Variants in TIAM2 observed in about 807,000 individuals in gnomAD.
The protein encoded by TIAM2 is TIAM Rac1 associated GEF 2.
TIAM2 carries 80 observed loss-of-function variants against 152.9 expected under a neutral mutation model. The ratio of observed to expected loss-of-function variants is 0.52; its 90% CI spans 0.44 to 0.63. TIAM2 has a LOEUF of 0.63. TIAM2 is among the 30% of genes least tolerant of loss of function. The probability of loss-of-function intolerance (pLI) is 0.00; values close to 1 mark genes in which losing one functional copy is unlikely to be tolerated. For missense variants in TIAM2, 1,965 were observed against 2,120.1 expected (o/e 0.93, Z 1.44); for synonymous variants, 804 against 838.0 (o/e 0.96, Z 0.70).
At chr6:155,106,303 C>G (rs1201334799) in intron 2 of TIAM2, among the ~76,000 whole-genome samples, 1 of 152,054 alleles carries the variant, frequency 6.6e-6, no homozygotes, top group Non-Finnish European at 1.5e-5. Flanking sequence ...CCATGCCCAG[C>G]CTTTTTGGGG....
chr6:155,080,363 C>T (rs2114965656), intron 1 of TIAM2, among the ~76,000 whole-genome samples: 1 of 151,824 alleles, frequency 6.6e-6, no homozygotes, highest in Admixed American at 6.6e-5. Flanking sequence ...ATTTTGTGGG[C>T]AAGGTATATA....
At chr6:155,242,899 C>CT (rs1476671379) in intron 16 of TIAM2, among the ~76,000 whole-genome samples, 5 of 63,146 alleles carry the variant, frequency 7.9e-5, no homozygotes, top group African/African-American at 2.3e-4. Flanking sequence ...CCACACCCAG[C>CT]TATTTTTTTT....
In TIAM2 at chr6:155,249,983, C is replaced by T. The variant is rs1200397108; in HGVS notation, c.3951+14C>T. 6.3e-7 allele frequency: 1 copy of T among 1,599,416 alleles called. No homozygotes were observed. The highest frequency in any genetic ancestry group is 8.5e-7 in the Non-Finnish European group (1 of 1,169,924). On this transcript the variant is annotated intron_variant, in intron 21 of 26. Coordinates refer to ENST00000682666, the MANE Select transcript of TIAM2 (RefSeq NM_012454.4). ...ACAGAGAAGGAGGTCCGTGAGACAT[C>T]TGCACCCTGGGAGCCTAGTGCATGT...
In TIAM2 at chr6:155,104,035, CA is replaced by C. The variant is rs1562316869; in HGVS notation, c.-118+13657del. Among the ~76,000 whole-genome samples, 165 of 104,610 alleles carry C rather than the reference CA, an allele frequency of 1.6e-3. 4 individuals are homozygous for C. The highest frequency in any genetic ancestry group is 4.6e-3 in the African/African-American group (91 of 19,588). 68.6% of individuals were successfully genotyped at this position (104,610 alleles called of 152,430 possible). A position where few individuals can be genotyped will look rare whatever the true frequency, so the allele number is the denominator to read the frequency against. ...TCTTCTTCTGTATTTACCTCACACA[CA>C]CACACCCCCCCCCCCACACCCCCAC... On this transcript the variant is annotated intron_variant, in intron 2 of 26. Transcript: ENST00000682666.
intron 7 of TIAM2, among the ~76,000 whole-genome samples, chr6:155,164,034 A>G (rs970916674): frequency 1.3e-5 from 2 of 148,686 alleles, no homozygotes; most frequent in Non-Finnish European, 3.0e-5. Context: ...ATCTTGGCTC[A>G]CTGCAACCTC....
intron 15 of TIAM2, among the ~76,000 whole-genome samples, chr6:155,222,668 A>C (rs1055785070): frequency 1.3e-5 from 2 of 150,842 alleles, no homozygotes; most frequent in Non-Finnish European, 2.9e-5. Flanking sequence ...TAAGTCTTAC[A>C]CTGAGGAGCC....
At chr6:155,029,490 G>GTATATATTA (rs1776765365) in intron 1 of TIAM2, among the ~76,000 whole-genome samples, 2 of 31,180 alleles carry the variant, frequency 6.4e-5, no homozygotes, top group Non-Finnish European at 1.1e-4. Context: ...ATATACTATA[G>GTATATATTA]TATATATTAT....
chr6:155,032,069 C>T (rs957877103), intron 1 of TIAM2, among the ~76,000 whole-genome samples: 1 of 151,978 alleles, frequency 6.6e-6, no homozygotes, highest in South Asian at 2.1e-4. Flanking sequence ...GTACTTTATA[C>T]GATGGAAGAT....
chr6:155,110,126 T>G (rs1229814615), intron 2 of TIAM2, among the ~76,000 whole-genome samples: 1 of 151,874 alleles, frequency 6.6e-6, no homozygotes, highest in Non-Finnish European at 1.5e-5. Context: ...TTTTTTTTTG[T>G]ATTTTTAGTA....
chr6:155,157,177 T>C (rs537553525), intron 7 of TIAM2, among the ~76,000 whole-genome samples: 1 of 152,340 alleles, frequency 6.6e-6, no homozygotes, highest in East Asian at 1.9e-4. Flanking sequence ...TGCTGTCCTC[T>C]GTACTGCAGG....
intron 1 of TIAM2, among the ~76,000 whole-genome samples, chr6:155,077,244 G>T (rs919162291): frequency 1.3e-5 from 2 of 151,544 alleles, no homozygotes; most frequent in East Asian, 3.9e-4. Context: ...GCTCAGAAAA[G>T]GATCTATAAT....
chr6:155,144,093 T>C (rs1304732646), intron 5 of TIAM2, among the ~76,000 whole-genome samples: 2 of 152,190 alleles, frequency 1.3e-5, no homozygotes, highest in Non-Finnish European at 2.9e-5. Context: ...CTCTCCCTCG[T>C]TCCTCTCCAG....
At chr6:155,045,412 A>G (rs1198551063) in intron 1 of TIAM2, among the ~76,000 whole-genome samples, 1 of 151,960 alleles carries the variant, frequency 6.6e-6, no homozygotes, top group African/African-American at 2.4e-5. Flanking sequence ...GTCTTACTTT[A>G]TGGGCACATT....
At chr6:155,190,182 T>A (rs1007515979) in intron 14 of TIAM2, among the ~76,000 whole-genome samples, 2 of 152,258 alleles carry the variant, frequency 1.3e-5, no homozygotes. Context: ...GCTCATTTGA[T>A]GGCCACTGGA....
intron 1 of TIAM2, among the ~76,000 whole-genome samples, chr6:155,057,540 A>ATTTTT (rs1777481235): frequency 1.5e-5 from 1 of 68,742 alleles, no homozygotes; most frequent in African/African-American, 6.3e-5. Context: ...TCCATAATGT[A>ATTTTT]CTTTTTTTTT....
At chr6:155,221,579 A>C (rs1782047372) in intron 15 of TIAM2, among the ~76,000 whole-genome samples, 2 of 152,262 alleles carry the variant, frequency 1.3e-5, no homozygotes, top group South Asian at 4.2e-4. Context: ...TTTCAAGGCA[A>C]ACAGAAAGCC....
At chr6:155,211,090 A>G in intron 14 of TIAM2, 114 bp from the exon 15 acceptor site, 1 of 799,288 alleles carries the variant, frequency 1.3e-6, no homozygotes, top group Non-Finnish European at 2.0e-6. Context: ...ACTGCTCTGT[A>G]CTGCCTCCTA....
At chr6:155,070,716 T>G (rs1187165289) in intron 1 of TIAM2, among the ~76,000 whole-genome samples, 1 of 152,152 alleles carries the variant, frequency 6.6e-6, no homozygotes, top group Non-Finnish European at 1.5e-5. Context: ...TTAAAAACAT[T>G]GCTGTAAACT....
intron 1 of TIAM2, among the ~76,000 whole-genome samples, chr6:155,015,228 T>A (rs776574403): frequency 6.6e-6 from 1 of 152,114 alleles, no homozygotes; most frequent in Non-Finnish European, 1.5e-5. Context: ...CATTCAAGCC[T>A]GTGTACCTGT....
Sources: allele counts gnomAD v4.1 joint callset (sites outside exome capture counted in the v4.1 genomes callset), GRCh38; gene constraint gnomAD v4.1.1; transcripts MANE v1.5; gene names NCBI Gene and HGNC (gene_info 2026-07-23, HGNC 2026-07-21).